The following TOLLIP variants were observed in gnomAD, a reference collection of about 807,000 sequenced individuals.
TOLLIP encodes toll interacting protein.
Under a neutral mutation model 33.5 loss-of-function variants are expected in TOLLIP, and 16 were observed. The ratio of observed to expected loss-of-function variants is 0.48; its 90% CI spans 0.32 to 0.72. The LOEUF (loss-of-function observed/expected upper bound fraction) is 0.72. Among genes scored for constraint, TOLLIP ranks in the 30% least tolerant of loss-of-function variants. The probability of loss-of-function intolerance (pLI) is 0.03; values close to 1 mark genes in which losing one functional copy is unlikely to be tolerated. For synonymous variants in TOLLIP, 176 were observed against 163.7 expected (o/e 1.07, Z -0.57); for missense variants, 325 against 396.6 (o/e 0.82, Z 1.53).
Position 1,290,613 on chromosome 11 carries a change from G to A in TOLLIP, c.184-204C>T, listed in dbSNP as rs1326571350. The stretch of plus-strand genomic sequence containing the variant: ...GAGTGAGCCACAGATGGATCGTGCA[G>A]TTCTGAGACAAAGCACGTGGCTCGT... On this transcript the variant is annotated intron_variant, in intron 2 of 5. Coordinates refer to ENST00000317204, the MANE Select transcript of TOLLIP (RefSeq NM_019009.4). The surrounding 1 kb of genome is among the most constrained non-coding windows in gnomAD (Gnocchi z 4.9). 1.3e-5 allele frequency among the ~76,000 whole-genome samples: 2 copies of A among 152,332 alleles called. No individual in the cohort carries two copies. Among genetic ancestry groups the A allele is most frequent in the East Asian group, 3.9e-4 (2 of 5,186 alleles).
At chr11:1,297,573 T>C (rs1864148441) in intron 1 of TOLLIP, among the ~76,000 whole-genome samples, 1 of 152,270 alleles carries the variant, frequency 6.6e-6, no homozygotes, top group Admixed American at 6.5e-5. Flanking sequence ...CTTTGTGCGT[T>C]TCCCCACACT....
At position 1,295,569 on chromosome 11, in the gene TOLLIP, A is replaced by G. The variant is rs933423665; in HGVS notation, c.183+76T>C. 25 of 1,428,386 alleles carry G rather than the reference A, an allele frequency of 1.8e-5. No homozygotes were observed. The South Asian group carries it at 3.9e-4, about 22-fold the overall frequency. The allele number at this position is 1,428,386 out of a possible 1,614,324, so 88.5% of individuals were successfully genotyped here. ...TTTGCCCGCTTAGGAAATGCAGTAT[A>G]AACGCCGAAATCCGAAATCCCACCC... On this transcript the variant is annotated intron_variant, in intron 2 of 5. Transcript: ENST00000317204.
intron 3 of TOLLIP, among the ~76,000 whole-genome samples, chr11:1,289,181 C>T (rs913770568): frequency 3.9e-5 from 6 of 152,202 alleles, no homozygotes; most frequent in East Asian, 1.9e-4. Flanking sequence ...GGAAAGGACA[C>T]GGGGTCTGCC....
chr11:1,288,820 G>A, intron 3 of TOLLIP, 44 bp from the exon 4 acceptor site: 6 of 1,584,358 alleles, frequency 3.8e-6, no homozygotes, highest in Non-Finnish European at 4.3e-6. Flanking sequence ...CAGGGAAGGG[G>A]CCACCCTGCC....
intron 2 of TOLLIP, among the ~76,000 whole-genome samples, chr11:1,295,175 G>C (rs1864071216): frequency 6.6e-6 from 1 of 152,208 alleles, no homozygotes; most frequent in South Asian, 2.1e-4. Flanking sequence ...TGCCGATTTT[G>C]GCTTTCACTT....
At chr11:1,295,589 C>T in intron 2 of TOLLIP, 56 bp downstream of exon 2, 1 of 1,438,044 alleles carries the variant, frequency 7.0e-7, no homozygotes, top group Non-Finnish European at 9.2e-7. Flanking sequence ...ATCCGAAATC[C>T]CACCCCCACC....
intron 1 of TOLLIP, among the ~76,000 whole-genome samples, chr11:1,305,259 C>T (rs541794639): frequency 2.6e-4 from 40 of 152,326 alleles, no homozygotes. Flanking sequence ...AGAAAGGACT[C>T]GTGAGGAGGC....
chr11:1,300,127 A>G (rs1864226218), intron 1 of TOLLIP, among the ~76,000 whole-genome samples: 1 of 152,266 alleles, frequency 6.6e-6, no homozygotes, highest in Non-Finnish European at 1.5e-5. Flanking sequence ...CTTTTAAAAT[A>G]AAAAGGACAG....
At chr11:1,297,248 G>A (rs1473336647) in intron 1 of TOLLIP, among the ~76,000 whole-genome samples, 2 of 152,266 alleles carry the variant, frequency 1.3e-5, no homozygotes, top group East Asian at 1.9e-4. Context: ...CCAATGACAC[G>A]GTGCCAGGCA....
chr11:1,280,737 C>G (rs1017671553), intron 5 of TOLLIP, among the ~76,000 whole-genome samples: 3 of 152,012 alleles, frequency 2.0e-5, no homozygotes. Flanking sequence ...TGGAAAGCAA[C>G]AGGAGGAGGG....
At chr11:1,298,825 C>G (rs1475582247) in intron 1 of TOLLIP, among the ~76,000 whole-genome samples, 2 of 152,222 alleles carry the variant, frequency 1.3e-5, no homozygotes, top group Non-Finnish European at 2.9e-5. Context: ...TCTGGGTTTT[C>G]TTCCCAAAAA....
chr11:1,289,943 C>T (rs1236635440), intron 3 of TOLLIP, among the ~76,000 whole-genome samples: 1 of 149,846 alleles, frequency 6.7e-6, no homozygotes, highest in Non-Finnish European at 1.5e-5. Context: ...GGTGAGCGGC[C>T]AGACCCTGTG....
intron 1 of TOLLIP, among the ~76,000 whole-genome samples, chr11:1,297,458 G>A (rs1477846956): frequency 2.0e-5 from 3 of 152,206 alleles, no homozygotes; most frequent in Non-Finnish European, 4.4e-5. Context: ...GAGCAGTTAC[G>A]GACTCAGGAC....
intron 5 of TOLLIP, among the ~76,000 whole-genome samples, chr11:1,281,717 A>ATGCAGCCAGCACCG (rs1250630643): frequency 1.3e-5 from 2 of 152,252 alleles, no homozygotes; most frequent in African/African-American, 4.8e-5. Context: ...GCCCGAAGCC[A>ATGCAGCCAGCACCG]CGCAGCCAGC....
rs570276364 is a variant in TOLLIP, at chr11:1,281,733, G to C, written c.610+4269C>G. Among the ~76,000 whole-genome samples, 676 of 152,382 alleles carry C rather than the reference G, an allele frequency of 4.4e-3. 1 individual carries two copies. Among genetic ancestry groups the C allele is most frequent in the Middle Eastern group, 0.01 (3 of 294 alleles). On this transcript the variant is annotated intron_variant, in intron 5 of 5. Transcript: ENST00000317204. ...CCCGAAGCCACGCAGCCAGCACCGC[G>C]TAGCCAGGCAGAGCACGCGGCACAG...
chr11:1,308,560 A>G (rs1429929131), intron 1 of TOLLIP, among the ~76,000 whole-genome samples: 1 of 152,244 alleles, frequency 6.6e-6, no homozygotes, highest in Non-Finnish European at 1.5e-5. Flanking sequence ...CCAGGAGCCC[A>G]TCATCTCTGA....
chr11:1,276,432 T>G lies in TOLLIP; in HGVS notation c.*607A>C. 1 of 290,998 alleles carries G rather than the reference T, an allele frequency of 3.4e-6. No homozygotes were observed. The highest frequency in any genetic ancestry group is 6.8e-6 in the Non-Finnish European group (1 of 146,832). The allele number at this position is 290,998 out of a possible 1,614,324, so 18.0% of individuals were successfully genotyped here. A position where few individuals can be genotyped will look rare whatever the true frequency, so the allele number is the denominator to read the frequency against. ...GGTTCATTCTGCCTTCAGGCCGGAG[T>G]CTGTCACAAGGCTGGCTGGACAGTG... On this transcript the variant is annotated 3_prime_UTR_variant, in exon 6 of 6. Coordinates refer to ENST00000317204, the MANE Select transcript of TOLLIP (RefSeq NM_019009.4).
intron 4 of TOLLIP, 122 bp from the exon 5 acceptor site, chr11:1,286,214 G>T: frequency 2.8e-6 from 2 of 716,350 alleles, no homozygotes; most frequent in African/African-American, 1.8e-5. Context: ...CCCCATGCCA[G>T]CCCAGAATCA....
At position 1,283,118 on chromosome 11, in the gene TOLLIP, T is replaced by C. The variant is rs562252019; in HGVS notation, c.610+2884A>G. Among the ~76,000 whole-genome samples the C allele has an allele frequency of 1.1e-4, 16 of 152,258 alleles. No homozygotes were observed. In the South Asian group the frequency reaches 3.1e-3, roughly 30 times the overall value. ...GAGCCCGCCGTGAGGGACGAGCAAG[T>C]CACACCACTAGCCCTGCACTGGGTA... On this transcript the variant is annotated intron_variant, in intron 5 of 5. Transcript: ENST00000317204.
Sources: allele counts gnomAD v4.1 joint callset (sites outside exome capture counted in the v4.1 genomes callset), GRCh38; gene constraint gnomAD v4.1.1; non-coding constraint Gnocchi (gnomAD v3.1); transcripts MANE v1.5; gene names NCBI Gene and HGNC (gene_info 2026-07-23, HGNC 2026-07-21).